Variants in ORC4 observed in about 807,000 individuals in gnomAD.
ORC4 encodes origin recognition complex, subunit 4 homolog.
Under a neutral mutation model 63.9 loss-of-function variants are expected in ORC4, and 55 were observed. The ratio of observed to expected loss-of-function variants is 0.86; its 90% CI spans 0.69 to 1.08. ORC4 has a LOEUF of 1.08. Among genes scored for constraint, ORC4 ranks in the 50% least tolerant of loss-of-function variants. ORC4 has a pLI of 0.00. For missense variants in ORC4, 511 were observed against 504.4 expected, an observed-to-expected ratio of 1.01 and a Z score of -0.13; for synonymous variants, 150 against 168.5, an observed-to-expected ratio of 0.89 and a Z score of 0.85.
chr2:147,972,764 C>T lies in ORC4; in HGVS notation c.200G>A (p.Gly67Glu), dbSNP rs1258186563. 1 of 1,609,948 alleles carries T rather than the reference C, an allele frequency of 6.2e-7. No homozygotes were observed. The highest frequency in any genetic ancestry group is 8.5e-7 in the Non-Finnish European group (1 of 1,177,278). Residue 67 changes from glycine to glutamate, a missense_variant, in exon 4 of 14, where the codon GGA becomes GAA. Gly to Glu is a moderately conservative substitution (Grantham distance 98). Transcript: ENST00000392857. ...CATAGTTTTTCCTGATCCTCGGGGT[C>T]CGATAATAAGGACAGAGTTACTCTC... ...HGESNSVLII[G>E]PRGSGKTMLI...
chr2:147,996,276 C>G (rs1251270762), intron 1 of ORC4, among the ~76,000 whole-genome samples: 1 of 152,150 alleles, frequency 6.6e-6, no homozygotes, highest in Admixed American at 6.6e-5. Flanking sequence ...TGCACTCAAG[C>G]CTGGTGACAG....
At chr2:148,002,747 A>G (rs1314567290) in intron 1 of ORC4, among the ~76,000 whole-genome samples, 3 of 152,164 alleles carry the variant, frequency 2.0e-5, no homozygotes, top group African/African-American at 7.2e-5. Context: ...GCAGAAGACA[A>G]GAAATAACTA....
chr2:147,986,160 G>A (rs560899940), intron 1 of ORC4, among the ~76,000 whole-genome samples: 5 of 152,044 alleles, frequency 3.3e-5, no homozygotes, highest in East Asian at 1.9e-4. Flanking sequence ...TACATGTTTC[G>A]TACAGAAACT....
intron 1 of ORC4, among the ~76,000 whole-genome samples, chr2:147,991,423 T>TA (rs1691600433): frequency 6.6e-6 from 1 of 152,150 alleles, no homozygotes; most frequent in African/African-American, 2.4e-5. Context: ...AATAAGCCAA[T>TA]AAAGTTGTTT....
At chr2:147,980,856 C>G (rs1441872779) in intron 1 of ORC4, among the ~76,000 whole-genome samples, 1 of 152,078 alleles carries the variant, frequency 6.6e-6, no homozygotes, top group African/African-American at 2.4e-5. Context: ...TAATCCCACT[C>G]CTGAATATCC....
intron 1 of ORC4, among the ~76,000 whole-genome samples, chr2:147,992,143 T>A (rs908853673): frequency 4.6e-5 from 7 of 152,214 alleles, no homozygotes. Flanking sequence ...GTAGTCTATG[T>A]TCTCTGAGCA....
At chr2:147,950,764 C>CA (rs70992182) in intron 8 of ORC4, among the ~76,000 whole-genome samples, 59,695 of 111,176 alleles carry the variant, frequency 0.54, 14,159 homozygotes, top group Middle Eastern at 0.67. Context: ...GACTCCATCT[C>CA]AAAAAAAAAA....
intron 9 of ORC4, 164 bp downstream of exon 9, chr2:147,947,883 ACTGT>A (rs1050281800): frequency 1.1e-5 from 6 of 554,354 alleles, no homozygotes; most frequent in African/African-American, 7.6e-5. Context: ...TGACATTTCA[ACTGT>A]CTAAGAAGAA....
rs1349377887 is a variant in ORC4 at position 147,931,374 on chromosome 2, T to TAATG, written c.*4132_*4135dup. Reference sequence around the variant, plus strand: ...TATAGTCCTTTGGGTATATACCCAGTAATGGGATGGCTGGGTCAAATGGTG... The same window carrying TAATG: ...TATAGTCCTTTGGGTATATACCCAGTAATGAATGGGATGGCTGGGTCAAATGGTG... On this transcript the variant is annotated 3_prime_UTR_variant, in exon 14 of 14. Coordinates refer to ENST00000392857, the MANE Select transcript of ORC4 (RefSeq NM_181741.4). The TAATG allele has an allele frequency of 2.6e-5, 4 of 152,050 alleles. No homozygotes were observed. The highest frequency in any genetic ancestry group is 9.7e-5 in the African/African-American group (4 of 41,404). The allele number at this position is 152,050 out of a possible 1,614,324, so 9.4% of individuals were successfully genotyped here.
chr2:148,021,401 G>C, upstream of ORC4: 2 of 497,350 alleles, frequency 4.0e-6, no homozygotes, highest in Non-Finnish European at 7.9e-6. Context: ...CTCTTTGGCC[G>C]TGAGAGGAGG....
Position 148,017,001 on chromosome 2 carries a change from G to C in ORC4, c.-18+3632C>G, listed in dbSNP as rs76718884. On this transcript the variant is annotated intron_variant, in intron 1 of 13. Coordinates refer to ENST00000392857, the MANE Select transcript of ORC4 (RefSeq NM_181741.4). ...AATTAAGACAAAGCAAAAAAATTAA[G>C]AGAACTGACCATCAGAATGTCTGCA... 2.1e-3 allele frequency among the ~76,000 whole-genome samples: 326 copies of C among 152,282 alleles called. 1 individual carries two copies. The highest frequency in any genetic ancestry group is 7.6e-3 in the African/African-American group (315 of 41,550).
intron 9 of ORC4, among the ~76,000 whole-genome samples, chr2:147,946,970 A>T (rs978446148): frequency 5.3e-5 from 8 of 151,562 alleles, no homozygotes; most frequent in Admixed American, 1.3e-4. Context: ...ATGATATTTT[A>T]AAAAAATGAA....
chr2:147,977,203 C>T (rs1464314327), intron 1 of ORC4, among the ~76,000 whole-genome samples: 3 of 152,100 alleles, frequency 2.0e-5, no homozygotes, highest in Non-Finnish European at 4.4e-5. Flanking sequence ...ATGGAAGAGC[C>T]AGGATTTGGA....
intron 4 of ORC4, among the ~76,000 whole-genome samples, chr2:147,964,120 TAAAG>T (rs1689761760): frequency 6.6e-6 from 1 of 152,004 alleles, no homozygotes; most frequent in South Asian, 2.1e-4. Flanking sequence ...ACAAGAATCA[TAAAG>T]AAATACAGAA....
chr2:147,935,277 A>G lies in ORC4; in HGVS notation c.*233T>C, dbSNP rs1483327773. ...ACATGGTCTAGTCCCTAAAACAGTCATATTTTATTCTTCTGAACAGCTACT... is the reference window on the plus strand; with the variant it reads ...ACATGGTCTAGTCCCTAAAACAGTCGTATTTTATTCTTCTGAACAGCTACT... On this transcript the variant is annotated 3_prime_UTR_variant, in exon 14 of 14. Transcript: ENST00000392857. The G allele has an allele frequency of 9.3e-6, 5 of 538,164 alleles. No individual in the cohort carries two copies. The highest frequency in any genetic ancestry group is 1.7e-5 in the Non-Finnish European group (5 of 298,948). The allele number at this position is 538,164 out of a possible 1,614,324, so 33.3% of individuals were successfully genotyped here.
At chr2:147,965,856 C>A (rs1197268988) in intron 4 of ORC4, among the ~76,000 whole-genome samples, 2 of 151,964 alleles carry the variant, frequency 1.3e-5, no homozygotes, top group Non-Finnish European at 2.9e-5. Context: ...TTAAAAAAAG[C>A]AAAATCCTAT....
intron 4 of ORC4, chr2:147,960,111 T>G (rs756923862): frequency 1.1e-4 from 34 of 298,406 alleles, no homozygotes; most frequent in African/African-American, 1.4e-4. Flanking sequence ...ATGTTTTATG[T>G]TTTGATGAAT....
intron 1 of ORC4, among the ~76,000 whole-genome samples, chr2:147,983,108 C>A (rs954689252): frequency 6.6e-6 from 1 of 152,098 alleles, no homozygotes; most frequent in African/African-American, 2.4e-5. Context: ...TTCATTTAAC[C>A]ACTGGTGGGA....
chr2:147,938,433 T>C (rs2105257235), intron 11 of ORC4, 40 bp from the exon 12 acceptor site: 1 of 1,116,946 alleles, frequency 9.0e-7, no homozygotes, highest in Non-Finnish European at 1.4e-6. Flanking sequence ...TTTAATGACA[T>C]ATAAGACTGA....
Sources: gnomAD v4.1 joint callset for allele counts (sites outside exome capture counted in the v4.1 genomes callset) on GRCh38, gnomAD v4.1.1 for gene constraint, MANE v1.5 for transcripts, NCBI Gene and HGNC (gene_info 2026-07-23, HGNC 2026-07-21) for gene names.